Variants in PTPRD observed in about 807,000 individuals in gnomAD.
PTPRD encodes the protein receptor-type tyrosine-protein phosphatase delta.
PTPRD carries 34 observed loss-of-function variants against 214.5 expected under a neutral mutation model. The ratio of observed to expected loss-of-function variants is 0.16; its 90% CI spans 0.12 to 0.21. The LOEUF is 0.21. PTPRD is among the 10% of genes least tolerant of loss of function. The pLI, the probability that PTPRD is intolerant of heterozygous loss-of-function variation, is 1.00. For missense variants in PTPRD, 2,545 were observed against 2,398.7 expected (o/e 1.06, Z -1.27); for synonymous variants, 1,128 against 845.7 (o/e 1.33, Z -5.79).
chr9:9,684,253 A>G (rs545821174), intron 7 of PTPRD, among the ~76,000 whole-genome samples: 2 of 151,872 alleles, frequency 1.3e-5, no homozygotes, highest in East Asian at 3.9e-4. Flanking sequence ...CTAAGCCTTT[A>G]AGTAATCTAA....
intron 29 of PTPRD, 116 bp from the exon 30 acceptor site, chr9:8,484,494 G>C (rs770539044): frequency 6.4e-6 from 7 of 1,090,300 alleles, no homozygotes; most frequent in South Asian, 1.7e-5. Flanking sequence ...TCTAATTTTA[G>C]GTGATTTCTA....
At chr9:10,061,556 G>C (rs1405776119) in intron 3 of PTPRD, among the ~76,000 whole-genome samples, 1 of 151,992 alleles carries the variant, frequency 6.6e-6, no homozygotes, top group Admixed American at 6.6e-5. Context: ...TACATAATTA[G>C]TCTAGAGTGA....
chr9:9,354,455 G>C (rs984908164), intron 9 of PTPRD, among the ~76,000 whole-genome samples: 7 of 151,572 alleles, frequency 4.6e-5, no homozygotes, highest in African/African-American at 1.5e-4. Flanking sequence ...ATATTAATAA[G>C]GTCTTGTAAT....
At chr9:10,410,595 C>A (rs910741620) in intron 2 of PTPRD, among the ~76,000 whole-genome samples, 1 of 151,518 alleles carries the variant, frequency 6.6e-6, no homozygotes, top group African/African-American at 2.4e-5. Flanking sequence ...TTCATAGCTT[C>A]TTACATCAAA....
intron 39 of PTPRD, among the ~76,000 whole-genome samples, chr9:8,351,080 C>G (rs999796318): frequency 2.0e-5 from 3 of 152,102 alleles, no homozygotes; most frequent in Non-Finnish European, 4.4e-5. Flanking sequence ...GGCTAGGGAA[C>G]TAGTTGAATA....
intron 5 of PTPRD, among the ~76,000 whole-genome samples, chr9:9,783,001 T>C (rs1368596891): frequency 6.6e-6 from 1 of 152,180 alleles, no homozygotes; most frequent in Non-Finnish European, 1.5e-5. Context: ...TACATGAAAG[T>C]AACCAAATCA....
chr9:9,794,048 T>G (rs1281821180), intron 5 of PTPRD, among the ~76,000 whole-genome samples: 1 of 151,936 alleles, frequency 6.6e-6, no homozygotes, highest in Non-Finnish European at 1.5e-5. Flanking sequence ...TAAGCTAGGT[T>G]AAAAAATACG....
chr9:10,430,270 A>T (rs1229099022), intron 2 of PTPRD, among the ~76,000 whole-genome samples: 1 of 151,936 alleles, frequency 6.6e-6, no homozygotes, highest in Admixed American at 6.6e-5. Flanking sequence ...GCAAATATTG[A>T]TCCTTTTATC....
chr9:8,949,596 G>A (rs1022210313), intron 11 of PTPRD, among the ~76,000 whole-genome samples: 2 of 152,044 alleles, frequency 1.3e-5, no homozygotes, highest in Admixed American at 6.6e-5. Flanking sequence ...GTGATGTTGA[G>A]GTTACAAATT....
chr9:8,525,650 G>A (rs904852720), intron 17 of PTPRD, among the ~76,000 whole-genome samples: 17 of 152,224 alleles, frequency 1.1e-4, no homozygotes, highest in African/African-American at 3.6e-4. Flanking sequence ...CATTTATTAC[G>A]TTTGCTGAAA....
chr9:8,859,500 C>G (rs373906802), intron 11 of PTPRD, among the ~76,000 whole-genome samples: 13 of 152,230 alleles, frequency 8.5e-5, no homozygotes, highest in South Asian at 4.1e-4. Flanking sequence ...AAAGCTAGAG[C>G]TCACCAGCCA....
rs1181155651 is a variant in PTPRD at position 8,894,558 on chromosome 9, T to C, written c.-104+124139A>G. Among the ~76,000 whole-genome samples, 3 of 152,030 alleles carry C rather than the reference T, an allele frequency of 2.0e-5. No individual in the cohort carries two copies. The East Asian group carries it at 5.8e-4, about 29-fold the overall frequency. On this transcript the variant is annotated intron_variant, in intron 11 of 45. Coordinates refer to ENST00000381196, the MANE Select transcript of PTPRD (RefSeq NM_002839.4). Reference sequence around the variant, plus strand: ...AAACTGTAAGTGGGTATAGATGTGGTCATACATGATGCTTGTAATGTCCTA... The same window carrying C: ...AAACTGTAAGTGGGTATAGATGTGGCCATACATGATGCTTGTAATGTCCTA...
At chr9:8,944,397 C>T (rs978454120) in intron 11 of PTPRD, among the ~76,000 whole-genome samples, 3 of 152,020 alleles carry the variant, frequency 2.0e-5, no homozygotes, top group Non-Finnish European at 4.4e-5. Flanking sequence ...AATTCCAGTG[C>T]TAAGTATATA....
At chr9:8,729,336 A>C (rs558813251) in intron 12 of PTPRD, among the ~76,000 whole-genome samples, 2 of 152,276 alleles carry the variant, frequency 1.3e-5, no homozygotes, top group Admixed American at 1.3e-4. Flanking sequence ...GCAAGGGTTT[A>C]TAAGAACTCC....
intron 2 of PTPRD, among the ~76,000 whole-genome samples, chr9:10,537,746 C>A (rs1481214892): frequency 6.6e-6 from 1 of 152,024 alleles, no homozygotes; most frequent in Non-Finnish European, 1.5e-5. Context: ...TCTTAAAATT[C>A]TCTCTTATAA....
chr9:10,571,789 C>A (rs114040970), intron 2 of PTPRD, among the ~76,000 whole-genome samples: 1 of 152,144 alleles, frequency 6.6e-6, no homozygotes, highest in East Asian at 1.9e-4. Context: ...TCATAAGGAA[C>A]AGGCGACCTA....
chr9:9,440,807 T>A (rs1021105771), intron 8 of PTPRD, among the ~76,000 whole-genome samples: 1 of 152,226 alleles, frequency 6.6e-6, no homozygotes, highest in Admixed American at 6.5e-5. Context: ...TAATATGGCA[T>A]GGCAAGACCA....
At chr9:9,229,038 G>T (rs1192462043) in intron 9 of PTPRD, among the ~76,000 whole-genome samples, 1 of 151,890 alleles carries the variant, frequency 6.6e-6, no homozygotes, top group African/African-American at 2.4e-5. Context: ...TTTTAATGTG[G>T]GTCATTAAGG....
intron 4 of PTPRD, among the ~76,000 whole-genome samples, chr9:9,964,041 C>G (rs1432124505): frequency 1.1e-5 from 1 of 94,326 alleles, no homozygotes; most frequent in Admixed American, 1.4e-4. Context: ...CAGACAGAGC[C>G]AGACAGAGGC....
Sources: gnomAD v4.1 joint callset for allele counts (sites outside exome capture counted in the v4.1 genomes callset) on GRCh38, gnomAD v4.1.1 for gene constraint, MANE v1.5 for transcripts, NCBI Gene and HGNC (gene_info 2026-07-23, HGNC 2026-07-21) for gene names.